The following TP73 variants were observed in gnomAD, a reference collection of about 807,000 sequenced individuals.
TP73 encodes tumor protein p73.
Under a neutral mutation model 62.5 loss-of-function variants are expected in TP73, and 25 were observed. The observed-to-expected ratio is 0.40, with a 90% CI of 0.29 to 0.56. The LOEUF (loss-of-function observed/expected upper bound fraction) is 0.56. Among genes scored for constraint, TP73 ranks in the 20% least tolerant of loss-of-function variants. The pLI is 0.46. For missense variants in TP73, 754 were observed against 913.3 expected (o/e 0.83, Z 2.25); for synonymous variants, 423 against 377.5 (o/e 1.12, Z -1.40).
intron 3 of TP73, among the ~76,000 whole-genome samples, chr1:3,691,663 A>T (rs34868661): frequency 1.3e-5 from 2 of 151,940 alleles, no homozygotes; most frequent in African/African-American, 4.8e-5. Flanking sequence ...CCAGGCAGGC[A>T]CCAGCTGCTA....
intron 1 of TP73, among the ~76,000 whole-genome samples, chr1:3,676,050 G>A (rs1645358261): frequency 6.6e-6 from 1 of 151,912 alleles, no homozygotes; most frequent in African/African-American, 2.4e-5. Flanking sequence ...TGTGGGGACT[G>A]GGGACAGGGG....
chr1:3,669,017 C>A (rs1426596558), intron 1 of TP73, among the ~76,000 whole-genome samples: 1 of 152,240 alleles, frequency 6.6e-6, no homozygotes, highest in South Asian at 2.1e-4. Context: ...AGCTCCAGGC[C>A]GGCCACGCTG....
At chr1:3,664,230 C>G (rs1445818900) in intron 1 of TP73, among the ~76,000 whole-genome samples, 1 of 152,214 alleles carries the variant, frequency 6.6e-6, no homozygotes. Flanking sequence ...TCCACCCAGC[C>G]CAGGGTGTGT....
rs770072195 is a variant in TP73, at chr1:3,722,134, C to T, written c.543C>T (p.Tyr181=). Reference sequence around the variant, plus strand: ...CCGCCATCCGGGCCATGCCTGTTTACAAGAAAGCGGAGCACGTGACCGACG... The same window carrying T: ...CCGCCATCCGGGCCATGCCTGTTTATAAGAAAGCGGAGCACGTGACCGACG... The part of the protein sequence containing the change: ...PGTAIRAMPV[Y]KKAEHVTDVV... Residue 181 remains tyrosine (Y), a synonymous_variant, in exon 5 of 14, where the codon TAC becomes TAT. Transcript: ENST00000378295. 2.5e-6 allele frequency: 4 copies of T among 1,612,760 alleles called. No homozygotes were observed. Among genetic ancestry groups the T allele is most frequent in the Admixed American group, 1.7e-5 (1 of 59,990 alleles).
At chr1:3,676,828 C>T (rs1645383320) in intron 1 of TP73, among the ~76,000 whole-genome samples, 1 of 151,882 alleles carries the variant, frequency 6.6e-6, no homozygotes, top group African/African-American at 2.4e-5. Flanking sequence ...GCACAGCACC[C>T]CCTCTCCGCC....
chr1:3,727,255 G>A (rs991583900), intron 7 of TP73, 31 bp downstream of exon 7: 1 of 1,600,506 alleles, frequency 6.2e-7, no homozygotes, highest in Non-Finnish European at 8.5e-7. Flanking sequence ...GTGGAGGTGG[G>A]ACAGGGCTGG....
intron 4 of TP73, among the ~76,000 whole-genome samples, chr1:3,709,720 C>G (rs1212377780): frequency 3.9e-5 from 6 of 152,224 alleles, no homozygotes; most frequent in Admixed American, 2.0e-4. Context: ...CACTCTCTCC[C>G]CTCTAAGGAC....
At chr1:3,661,827 CACGCTATATATATAATATATGT>C (rs1644997600) in intron 1 of TP73, among the ~76,000 whole-genome samples, 2 of 146,040 alleles carry the variant, frequency 1.4e-5, no homozygotes, top group Non-Finnish European at 3.0e-5. Flanking sequence ...TATATATATA[CACGCTATATATATAATATATGT>C]ATTATATATA....
At chr1:3,730,177 G>T (rs560879356) in intron 11 of TP73, 29 bp downstream of exon 11, 1 of 1,497,720 alleles carries the variant, frequency 6.7e-7, no homozygotes, top group Non-Finnish European at 9.0e-7. Context: ...GCGGGCCCAC[G>T]GGCAGGGCGG....
At chr1:3,722,864 ACC>A (rs1641193000) in intron 5 of TP73, among the ~76,000 whole-genome samples, 1 of 139,052 alleles carries the variant, frequency 7.2e-6, no homozygotes. Flanking sequence ...GGGGCTGGGC[ACC>A]TCTTTGCACC....
chr1:3,688,892 T>G (rs1645734559), intron 3 of TP73, among the ~76,000 whole-genome samples: 1 of 152,068 alleles, frequency 6.6e-6, no homozygotes, highest in Non-Finnish European at 1.5e-5. Context: ...CACTTGGCGC[T>G]CTCCTTTTGG....
chr1:3,690,653 G>C, intron 3 of TP73: 1 of 1,394,478 alleles, frequency 7.2e-7, no homozygotes, highest in Non-Finnish European at 9.3e-7. Context: ...TAAAGGGGTG[G>C]GCCGCGGGTT....
chr1:3,727,584 T>C (rs1199400561), intron 7 of TP73, 44 bp from the exon 8 acceptor site: 6 of 1,570,598 alleles, frequency 3.8e-6, no homozygotes, highest in Admixed American at 1.9e-5. Context: ...AGGTTGAGGG[T>C]GGGCAGGGTT....
intron 4 of TP73, among the ~76,000 whole-genome samples, chr1:3,719,027 C>T (rs3765768): frequency 0.39 from 59,718 of 151,974 alleles, 13,020 homozygotes; most frequent in East Asian, 0.5. Context: ...TCCCAGCTGA[C>T]GAGCACAAAG....
intron 4 of TP73, among the ~76,000 whole-genome samples, chr1:3,710,895 C>T (rs1326667176): frequency 6.6e-6 from 1 of 152,240 alleles, no homozygotes; most frequent in Non-Finnish European, 1.5e-5. Context: ...GCTCCCACCC[C>T]ATGGAAACCC....
chr1:3,688,193 G>C (rs1645713871), intron 3 of TP73, among the ~76,000 whole-genome samples: 1 of 152,146 alleles, frequency 6.6e-6, no homozygotes, highest in Admixed American at 6.5e-5. Context: ...CCCCCTCCCA[G>C]AGAGCCCCCA....
intron 8 of TP73, 105 bp from the exon 9 acceptor site, chr1:3,728,024 A>G (rs1166257604): frequency 3.8e-6 from 5 of 1,299,330 alleles, no homozygotes; most frequent in Non-Finnish European, 5.3e-6. Context: ...ACCCACCTGG[A>G]GAATCGATTG....
rs1006653763 is a variant in TP73, at chr1:3,682,568, C to T, written c.65+138C>T. 27 of 833,964 alleles carry T rather than the reference C, an allele frequency of 3.2e-5. No individual in the cohort carries two copies. The African/African-American group carries it at 4.2e-4, about 13-fold the overall frequency. The allele number at this position is 833,964 out of a possible 1,614,324, so 51.7% of individuals were successfully genotyped here. A position where few individuals can be genotyped will look rare whatever the true frequency, so the allele number is the denominator to read the frequency against. On this transcript the variant is annotated intron_variant, in intron 2 of 13. Coordinates refer to ENST00000378295, the MANE Select transcript of TP73 (RefSeq NM_005427.4). The stretch of plus-strand genomic sequence containing the variant: ...GGACTCTGGGCTAGCCCCAGCCACC[C>T]TCACTGAGACTTTGGGCTAAACTTG...
chr1:3,713,988 G>A (rs1640379768), intron 4 of TP73, among the ~76,000 whole-genome samples: 1 of 152,104 alleles, frequency 6.6e-6, no homozygotes, highest in Non-Finnish European at 1.5e-5. Context: ...AAAGCCCAGA[G>A]CCACCCCAAG....
Sources: gnomAD v4.1 joint callset for allele counts (sites outside exome capture counted in the v4.1 genomes callset) on GRCh38, gnomAD v4.1.1 for gene constraint, MANE v1.5 for transcripts, NCBI Gene and HGNC (gene_info 2026-07-23, HGNC 2026-07-21) for gene names.